Variants in PLSCR4 observed in about 807,000 individuals in gnomAD.
PLSCR4 encodes the protein phospholipid scramblase 4, also known as Ca(2+)-dependent phospholipid scramblase 4.
In PLSCR4, 25 loss-of-function variants were observed where a neutral mutation model predicts 36.3. The observed-to-expected ratio is 0.69, with a 90% confidence interval of 0.50 to 0.96. PLSCR4 has a LOEUF of 0.96. Among genes scored for constraint, PLSCR4 ranks in the 40% least tolerant of loss-of-function variants. The pLI is 0.00. For missense variants in PLSCR4, 408 were observed against 414.7 expected (o/e 0.98, Z 0.14); for synonymous variants, 122 against 132.9 (o/e 0.92, Z 0.56).
At position 146,215,998 on chromosome 3, in the gene PLSCR4, A is replaced by C. The variant is rs189660636; in HGVS notation, c.118+4817T>G. Among the ~76,000 whole-genome samples, 384 of 152,284 alleles carry C rather than the reference A, an allele frequency of 2.5e-3. 1 individual carries two copies. Among genetic ancestry groups the C allele is most frequent in the Middle Eastern group, 6.8e-3 (2 of 294 alleles). On this transcript the variant is annotated intron_variant, in intron 3 of 8. Coordinates refer to ENST00000354952, the MANE Select transcript of PLSCR4 (RefSeq NM_020353.3). ...GTAATCCCAGCATTTTAGGAGGCCG[A>C]GGTGAGTGGATCACCTGAGGTCAGG...
intron 1 of PLSCR4, among the ~76,000 whole-genome samples, chr3:146,245,545 C>T (rs1437515740): frequency 6.6e-6 from 1 of 151,966 alleles, no homozygotes; most frequent in Non-Finnish European, 1.5e-5. Context: ...TAAGTAAACA[C>T]ATTATCATGA....
At chr3:146,231,634 T>G (rs2035719381) in intron 1 of PLSCR4, among the ~76,000 whole-genome samples, 1 of 152,232 alleles carries the variant, frequency 6.6e-6, no homozygotes. Flanking sequence ...TGTTTTCTTA[T>G]GCCTGTTGAC....
chr3:146,226,650 C>G (rs1308296233), intron 1 of PLSCR4, among the ~76,000 whole-genome samples: 1 of 152,094 alleles, frequency 6.6e-6, no homozygotes, highest in Admixed American at 6.5e-5. Context: ...GGGGTCCAGG[C>G]CTGGAAATCT....
At chr3:146,209,143 G>T (rs1004105372) in intron 3 of PLSCR4, among the ~76,000 whole-genome samples, 4 of 152,088 alleles carry the variant, frequency 2.6e-5, no homozygotes, top group Non-Finnish European at 4.4e-5. Context: ...ATTATTCTAA[G>T]GAAAGTAATT....
chr3:146,202,399 C>G (rs1251705348), intron 4 of PLSCR4, among the ~76,000 whole-genome samples: 5 of 152,032 alleles, frequency 3.3e-5, no homozygotes, highest in African/African-American at 1.2e-4. Context: ...ATAATGTAGT[C>G]TACAGTGTGT....
At chr3:146,248,382 CATA>C (rs909985950) in intron 1 of PLSCR4, among the ~76,000 whole-genome samples, 27 of 152,208 alleles carry the variant, frequency 1.8e-4, no homozygotes, top group African/African-American at 5.5e-4. Flanking sequence ...CATCACTACT[CATA>C]ATAATATAAT....
intron 3 of PLSCR4, among the ~76,000 whole-genome samples, chr3:146,211,156 A>G (rs960042503): frequency 3.9e-5 from 6 of 152,080 alleles, no homozygotes; most frequent in Admixed American, 2.0e-4. Flanking sequence ...GTGGCTTTAC[A>G]ATTTCATGTC....
At chr3:146,209,774 G>A (rs1035171862) in intron 3 of PLSCR4, among the ~76,000 whole-genome samples, 1 of 152,018 alleles carries the variant, frequency 6.6e-6, no homozygotes, top group African/African-American at 2.4e-5. Flanking sequence ...AGGTCTTGTA[G>A]CTCTAACTGA....
At chr3:146,241,767 A>G (rs2036158207) in intron 1 of PLSCR4, among the ~76,000 whole-genome samples, 1 of 152,342 alleles carries the variant, frequency 6.6e-6, no homozygotes, top group South Asian at 2.1e-4. Flanking sequence ...TCTGGCTCAT[A>G]AAACAAATCT....
chr3:146,202,934 C>T (rs1207644978), intron 4 of PLSCR4, among the ~76,000 whole-genome samples: 4 of 152,044 alleles, frequency 2.6e-5, no homozygotes, highest in Non-Finnish European at 5.9e-5. Context: ...CTGCAGGTTC[C>T]ACTTCAAATT....
Position 146,193,214 on chromosome 3 carries a change from G to A in PLSCR4, c.*1197C>T, listed in dbSNP as rs2033499001. The A allele has an allele frequency of 1.3e-5, 2 of 152,150 alleles. No individual in the cohort carries two copies. Among genetic ancestry groups the A allele is most frequent in the South Asian group, 4.1e-4 (2 of 4,828 alleles). The allele number at this position is 152,150 out of a possible 1,614,324, so 9.4% of individuals were successfully genotyped here. ...CCTACATATTATTTACTGGCATGCT[G>A]TAGACCATAGAGAAATAGAATGTTT... On this transcript the variant is annotated 3_prime_UTR_variant, in exon 9 of 9. Transcript: ENST00000354952.
intron 1 of PLSCR4, among the ~76,000 whole-genome samples, chr3:146,237,519 TATAAA>T: frequency 6.6e-6 from 1 of 152,200 alleles, no homozygotes; most frequent in South Asian, 2.1e-4. Flanking sequence ...ACTGAAATCA[TATAAA>T]ATATTATCTG....
chr3:146,232,640 T>A lies in PLSCR4; in HGVS notation c.-21-10548A>T, dbSNP rs372984335. 9.8e-5 allele frequency among the ~76,000 whole-genome samples: 15 copies of A among 152,314 alleles called. No homozygotes were observed. The East Asian group carries it at 1.2e-3, about 12-fold the overall frequency. Reference sequence around the variant, plus strand: ...TTGCATTCTTGATTTGGTTCCTGGTTTGGCCATTACTGGTGTATAGAAATG... The same window carrying A: ...TTGCATTCTTGATTTGGTTCCTGGTATGGCCATTACTGGTGTATAGAAATG... On this transcript the variant is annotated intron_variant, in intron 1 of 8. Transcript: ENST00000354952.
At chr3:146,226,408 G>C (rs1293470293) in intron 1 of PLSCR4, among the ~76,000 whole-genome samples, 1 of 152,108 alleles carries the variant, frequency 6.6e-6, no homozygotes, top group Non-Finnish European at 1.5e-5. Flanking sequence ...GAGCCAGAGT[G>C]GAAACTAATT....
intron 3 of PLSCR4, among the ~76,000 whole-genome samples, chr3:146,209,113 C>G (rs1250189408): frequency 1.3e-5 from 2 of 152,024 alleles, no homozygotes; most frequent in Non-Finnish European, 2.9e-5. Context: ...TTCACAGCAA[C>G]CTGGATGCGA....
chr3:146,216,487 C>T (rs1220306821), intron 3 of PLSCR4, among the ~76,000 whole-genome samples: 1 of 152,064 alleles, frequency 6.6e-6, no homozygotes, highest in African/African-American at 2.4e-5. Flanking sequence ...TCATCATATT[C>T]CAGCCCTTAC....
intron 8 of PLSCR4, 138 bp downstream of exon 8, chr3:146,194,986 C>A: frequency 1.5e-6 from 1 of 664,526 alleles, no homozygotes; most frequent in South Asian, 2.4e-5. Context: ...AGTGTAAACA[C>A]TTTCTAAACC....
At chr3:146,224,542 G>T (rs59588061) in intron 1 of PLSCR4, among the ~76,000 whole-genome samples, 1 of 149,054 alleles carries the variant, frequency 6.7e-6, no homozygotes, top group Admixed American at 6.6e-5. Flanking sequence ...TCGTGGTCTC[G>T]CTGGCTCAGG....
intron 1 of PLSCR4, among the ~76,000 whole-genome samples, chr3:146,226,285 A>T (rs916095046): frequency 6.6e-6 from 1 of 152,192 alleles, no homozygotes; most frequent in Non-Finnish European, 1.5e-5. Flanking sequence ...GCATTGCATT[A>T]TTTCACAATA....
Sources: allele counts gnomAD v4.1 joint callset (sites outside exome capture counted in the v4.1 genomes callset), GRCh38; gene constraint gnomAD v4.1.1; transcripts MANE v1.5; gene names NCBI Gene and HGNC (gene_info 2026-07-23, HGNC 2026-07-21).